The following C1GALT1 variants were observed in gnomAD, a reference collection of about 807,000 sequenced individuals.
The protein encoded by C1GALT1 is glycoprotein-N-acetylgalactosamine 3-beta-galactosyltransferase 1.
C1GALT1 carries 11 observed loss-of-function variants against 31.0 expected under a neutral mutation model. That is an observed-to-expected ratio of 0.36 (90% CI 0.22 to 0.59). C1GALT1 has a LOEUF of 0.59. C1GALT1 is among the 20% of genes least tolerant of loss of function. The probability of loss-of-function intolerance (pLI) is 0.79; values close to 1 mark genes in which losing one functional copy is unlikely to be tolerated. For synonymous variants in C1GALT1, 175 were observed against 143.6 expected (o/e 1.22, Z -1.56); for missense variants, 424 against 425.2 (o/e 1.00, Z 0.03).
At chr7:7,197,746 G>A (rs147531896) in intron 1 of C1GALT1, among the ~76,000 whole-genome samples, 23,472 of 151,958 alleles carry the variant, frequency 0.15, 2,093 homozygotes, top group East Asian at 0.37. Context: ...TCTCCTTGAA[G>A]AGGTCCTTCA....
At chr7:7,188,123 C>T (rs1056186110) in intron 1 of C1GALT1, among the ~76,000 whole-genome samples, 2 of 151,864 alleles carry the variant, frequency 1.3e-5, no homozygotes, top group South Asian at 4.2e-4. Flanking sequence ...GGAGAGGAGA[C>T]AATGGATTAG....
chr7:7,186,376 C>A (rs142799598), intron 1 of C1GALT1, among the ~76,000 whole-genome samples: 1 of 152,168 alleles, frequency 6.6e-6, no homozygotes, highest in Non-Finnish European at 1.5e-5. Flanking sequence ...AGGCAAAAAT[C>A]TCTGTCCTCA....
chr7:7,205,744 T>G (rs924604432), intron 1 of C1GALT1, among the ~76,000 whole-genome samples: 3 of 152,222 alleles, frequency 2.0e-5, no homozygotes, highest in African/African-American at 7.2e-5. Flanking sequence ...CTCTTTGTTC[T>G]TGTATGAATG....
chr7:7,240,778 C>A (rs1003988838), intron 3 of C1GALT1, among the ~76,000 whole-genome samples: 1 of 152,120 alleles, frequency 6.6e-6, no homozygotes, highest in African/African-American at 2.4e-5. Flanking sequence ...TCAGGAGATT[C>A]TTACATAAAC....
intron 1 of C1GALT1, among the ~76,000 whole-genome samples, chr7:7,223,180 A>T (rs1318028637): frequency 1.3e-5 from 2 of 152,068 alleles, no homozygotes; most frequent in East Asian, 3.9e-4. Flanking sequence ...TTTTTTGGAG[A>T]TGGAGTCTTG....
intron 1 of C1GALT1, among the ~76,000 whole-genome samples, chr7:7,199,065 T>A (rs1327138762): frequency 2.6e-5 from 4 of 152,224 alleles, no homozygotes; most frequent in Non-Finnish European, 5.9e-5. Flanking sequence ...TAGTTACTTC[T>A]TGCCTTCTGC....
intron 1 of C1GALT1, among the ~76,000 whole-genome samples, chr7:7,231,702 C>G (rs1193999880): frequency 2.0e-5 from 3 of 151,514 alleles, no homozygotes; most frequent in Non-Finnish European, 4.4e-5. Context: ...TTTCTATTGT[C>G]TACTTTTTTG....
At chr7:7,165,596 GAAGA>G (rs1194759840) in intron 2 of C1GALT1, among the ~76,000 whole-genome samples, 1 of 152,040 alleles carries the variant, frequency 6.6e-6, no homozygotes, top group Non-Finnish European at 1.5e-5. Flanking sequence ...TTCAAGACAG[GAAGA>G]AAGAGTCCAG....
chr7:7,217,057 G>A (rs538753658), intron 1 of C1GALT1, among the ~76,000 whole-genome samples: 3 of 152,274 alleles, frequency 2.0e-5, no homozygotes, highest in Non-Finnish European at 4.4e-5. Context: ...AGAGTATTGA[G>A]ATTATAGGAC....
intron 1 of C1GALT1, among the ~76,000 whole-genome samples, chr7:7,231,226 C>G (rs1030091586): frequency 3.3e-5 from 5 of 152,158 alleles, no homozygotes; most frequent in African/African-American, 1.2e-4. Flanking sequence ...AGCTGTCAAT[C>G]TTATTACACC....
chr7:7,183,569 A>G (rs2128228908), intron 1 of C1GALT1: 1 of 985,062 alleles, frequency 1.0e-6, no homozygotes, highest in African/African-American at 1.7e-5. Flanking sequence ...AGGTGTTGAC[A>G]AGTTGTCCAT....
intron 1 of C1GALT1, among the ~76,000 whole-genome samples, chr7:7,190,772 AC>A (rs1781036493): frequency 6.6e-6 from 1 of 151,916 alleles, no homozygotes; most frequent in African/African-American, 2.4e-5. Flanking sequence ...AGATTAGTAC[AC>A]CCCTTCCCAC....
At chr7:7,230,928 C>G (rs1783046263) in intron 1 of C1GALT1, among the ~76,000 whole-genome samples, 1 of 151,894 alleles carries the variant, frequency 6.6e-6, no homozygotes, top group African/African-American at 2.4e-5. Context: ...TTTATTATAG[C>G]CAATATTTAT....
chr7:7,166,911 A>G (rs1432196), intron 2 of C1GALT1, among the ~76,000 whole-genome samples: 13,082 of 152,228 alleles, frequency 0.086, 790 homozygotes, highest in East Asian at 0.21. Context: ...TAATCATGTT[A>G]GTCCTTTTTA....
chr7:7,200,074 C>G (rs549051256), intron 1 of C1GALT1, among the ~76,000 whole-genome samples: 3 of 152,154 alleles, frequency 2.0e-5, no homozygotes, highest in Non-Finnish European at 4.4e-5. Flanking sequence ...TGTATTTGAT[C>G]CTGTCATTAT....
chr7:7,224,631 G>C (rs1220893984), intron 1 of C1GALT1, among the ~76,000 whole-genome samples: 3 of 152,068 alleles, frequency 2.0e-5, no homozygotes, highest in Admixed American at 6.5e-5. Context: ...GTGTAGAGTT[G>C]TTTGTAGTAT....
chr7:7,181,735 T>C (rs1192864716), upstream of C1GALT1, among the ~76,000 whole-genome samples: 1 of 152,168 alleles, frequency 6.6e-6, no homozygotes, highest in Non-Finnish European at 1.5e-5. Context: ...ACCGCTTGGA[T>C]AGGGCATTTA....
At chr7:7,209,119 A>G (rs1781880659) in intron 1 of C1GALT1, among the ~76,000 whole-genome samples, 2 of 152,076 alleles carry the variant, frequency 1.3e-5, no homozygotes, top group Admixed American at 6.5e-5. Flanking sequence ...TACTCGTTTT[A>G]TTTTAGATCC....
chr7:7,241,661 T>A (rs1032165399), intron 3 of C1GALT1, among the ~76,000 whole-genome samples: 6 of 152,010 alleles, frequency 3.9e-5, no homozygotes, highest in Non-Finnish European at 8.8e-5. Flanking sequence ...ACTTAACTTT[T>A]TACTGATATA....
Sources: gnomAD v4.1 joint callset for allele counts (sites outside exome capture counted in the v4.1 genomes callset) on GRCh38, gnomAD v4.1.1 for gene constraint, MANE v1.5 for transcripts, NCBI Gene and HGNC (gene_info 2026-07-23, HGNC 2026-07-21) for gene names.